The following SNAPC5 variants were observed in gnomAD, a reference collection of about 807,000 sequenced individuals.
SNAPC5 encodes the protein small nuclear RNA activating complex polypeptide 5.
In SNAPC5, 12 loss-of-function variants were observed where a neutral mutation model predicts 9.1. That is an observed-to-expected ratio of 1.32 (90% CI 0.85 to 2.15). The LOEUF (loss-of-function observed/expected upper bound fraction) is 2.15. Ranked by LOEUF, SNAPC5 falls within the 30% of genes most tolerant of loss-of-function variation. The pLI is 0.00. For synonymous variants in SNAPC5, 52 were observed against 47.3 expected (o/e 1.10, Z -0.41); for missense variants, 132 against 114.4 (o/e 1.15, Z -0.70).
intron 1 of SNAPC5, among the ~76,000 whole-genome samples, chr15:66,496,080 A>G (rs1382739315): frequency 1.3e-5 from 2 of 151,884 alleles, no homozygotes; most frequent in Admixed American, 1.3e-4. Flanking sequence ...TTCCCTAAGG[A>G]AAAATGCTTA....
chr15:66,490,274 C>A (rs377758416), downstream of SNAPC5: 3 of 668,382 alleles, frequency 4.5e-6, no homozygotes, highest in African/African-American at 5.4e-5. Flanking sequence ...CCATACTGCA[C>A]GAGTAGGCTC....
At position 66,494,248 on chromosome 15, in the gene SNAPC5, A is replaced by AT; in HGVS notation, c.*187dup. ...AGACACAGCATCTTTGATTTTCTGT[A>AT]TGTCATAACATTCTGAAGCTTGAGT... is the stretch of plus-strand genomic sequence containing the variant. On this transcript the variant is annotated 3_prime_UTR_variant, in exon 3 of 3. Transcript: ENST00000316634. 1.6e-6 allele frequency: 1 copy of AT among 620,478 alleles called. No individual in the cohort carries two copies. The highest frequency in any genetic ancestry group is 2.9e-6 in the Non-Finnish European group (1 of 344,316). The allele number at this position is 620,478 out of a possible 1,614,324, so 38.4% of individuals were successfully genotyped here.
chr15:66,497,672 T>C lies in SNAPC5; in HGVS notation c.60A>G (p.Ala20=). ...KEEETLLRLK[A]ALHDQLNRLK... ...GGCGGTTCAGCTGGTCGTGCAGGGC[T>C]GCCTTCAACCGCAGCAGCGTCTCCT... is the stretch of plus-strand genomic sequence containing the variant. Residue 20 remains alanine (A), a synonymous_variant, in exon 1 of 3, where the codon GCA becomes GCG. Transcript: ENST00000316634. 6.2e-7 allele frequency: 1 copy of C among 1,614,052 alleles called. No homozygotes were observed.
chr15:66,494,065 A>G lies in SNAPC5; in HGVS notation c.*371T>C. The G allele has an allele frequency of 5.0e-6, 1 of 200,676 alleles. No homozygotes were observed. Among genetic ancestry groups the G allele is most frequent in the South Asian group, 8.5e-5 (1 of 11,724 alleles). 12.4% of individuals were successfully genotyped at this position (200,676 alleles called of 1,614,324 possible). ...ACAGTCTTTAATTGGTTTTCTTCAA[A>G]GAGGCATTGTTGACTGGAAAGACTG... On this transcript the variant is annotated 3_prime_UTR_variant, in exon 3 of 3. Coordinates refer to ENST00000316634, the MANE Select transcript of SNAPC5 (RefSeq NM_001329615.2).
At chr15:66,493,440 A>C (rs548804654), downstream of SNAPC5, 1 of 152,190 alleles carries the variant, frequency 6.6e-6, no homozygotes, top group East Asian at 1.9e-4. Context: ...GGAAAACCTG[A>C]GGTTGGGAGT....
intron 2 of SNAPC5, chr15:66,495,052 C>T (rs1893380071): frequency 1.3e-5 from 6 of 450,020 alleles, no homozygotes; most frequent in Admixed American, 3.5e-5. Context: ...AAAATCTCCA[C>T]TCTCCCCCGG....
chr15:66,489,912 C>CCCA, downstream of SNAPC5: 1 of 755,142 alleles, frequency 1.3e-6, no homozygotes, highest in South Asian at 1.4e-5. Context: ...AAACACCAGT[C>CCCA]TCCTTTGCTC....
downstream of SNAPC5, chr15:66,491,882 ATTTCT>A (rs1289778137): frequency 1.8e-5 from 8 of 444,956 alleles, no homozygotes; most frequent in African/African-American, 1.4e-4. Context: ...ATGACAAAAC[ATTTCT>A]TATCTCACAG....
At chr15:66,497,238 A>G (rs1893466830) in intron 1 of SNAPC5, among the ~76,000 whole-genome samples, 1 of 152,168 alleles carries the variant, frequency 6.6e-6, no homozygotes, top group Non-Finnish European at 1.5e-5. Flanking sequence ...GAGCATTTCA[A>G]GCGCCAAAAC....
rs1446633851 is a variant in SNAPC5, at chr15:66,497,756, C to G, written c.-25G>C. 3 of 1,586,770 alleles carry G rather than the reference C, an allele frequency of 1.9e-6. No individual in the cohort carries two copies. Among genetic ancestry groups the G allele is most frequent in the African/African-American group, 1.3e-5 (1 of 74,338 alleles). On this transcript the variant is annotated 5_prime_UTR_variant, in exon 1 of 3. Transcript: ENST00000316634. ...TGTTGCCTGGTCACATAGCCAACCT[C>G]CGGGCTGCTGTCGGCCCGGCACTCG...
At chr15:66,490,852 A>C (rs1225829478), downstream of SNAPC5, 1 of 580,892 alleles carries the variant, frequency 1.7e-6, no homozygotes, top group African/African-American at 1.8e-5. Context: ...ATTTGTGTGT[A>C]TGCTGATGAT....
intron 2 of SNAPC5, 93 bp downstream of exon 2, chr15:66,495,237 A>G: frequency 1.2e-6 from 1 of 836,088 alleles, no homozygotes; most frequent in Non-Finnish European, 2.1e-6. Flanking sequence ...TGGGCTAGGT[A>G]ATGTGATTTA....
Position 66,494,352 on chromosome 15 carries a change from G to C in SNAPC5, c.*84C>G. The stretch of plus-strand genomic sequence containing the variant: ...CTTTCAAGCAGATCACAGGGCCCAG[G>C]GCAAGATGATTTCCTTGAGGAGAAG... On this transcript the variant is annotated 3_prime_UTR_variant, in exon 3 of 3. Coordinates refer to ENST00000316634, the MANE Select transcript of SNAPC5 (RefSeq NM_001329615.2). 6 of 930,900 alleles carry C rather than the reference G, an allele frequency of 6.4e-6. No homozygotes were observed. Among genetic ancestry groups the C allele is most frequent in the Non-Finnish European group, 1.0e-5 (6 of 584,710 alleles). The allele number at this position is 930,900 out of a possible 1,614,324, so 57.7% of individuals were successfully genotyped here. A position where few individuals can be genotyped will look rare whatever the true frequency, so the allele number is the denominator to read the frequency against.
Position 66,494,368 on chromosome 15 carries a change from TGAG to T in SNAPC5, c.*65_*67del, listed in dbSNP as rs79227224. On this transcript the variant is annotated 3_prime_UTR_variant, in exon 3 of 3. Coordinates refer to ENST00000316634, the MANE Select transcript of SNAPC5 (RefSeq NM_001329615.2). ...AGGGCCCAGGGCAAGATGATTTCCT[TGAG>T]GAGAAGTAGCCTGAGCCTTAGAAAT... The T allele has an allele frequency of 0.091, 94,861 of 1,044,502 alleles. 6,391 individuals are homozygous for T. Among genetic ancestry groups the T allele is most frequent in the East Asian group, 0.35 (14,765 of 42,056 alleles). The allele number at this position is 1,044,502 out of a possible 1,614,324, so 64.7% of individuals were successfully genotyped here. A position where few individuals can be genotyped will look rare whatever the true frequency, so the allele number is the denominator to read the frequency against.
downstream of SNAPC5, chr15:66,491,071 C>A (rs181853123): frequency 2.8e-6 from 1 of 353,386 alleles, no homozygotes; most frequent in Non-Finnish European, 5.3e-6. Context: ...GCATGTGAAG[C>A]ATGCTTTGCT....
downstream of SNAPC5, among the ~76,000 whole-genome samples, chr15:66,493,130 A>C (rs998048584): frequency 2.0e-5 from 3 of 152,198 alleles, no homozygotes; most frequent in African/African-American, 7.2e-5. Context: ...GATTAACAAA[A>C]AAAGTATTCT....
At chr15:66,492,772 A>C (rs1004372506), downstream of SNAPC5, among the ~76,000 whole-genome samples, 6 of 152,054 alleles carry the variant, frequency 3.9e-5, no homozygotes, top group Non-Finnish European at 8.8e-5. Flanking sequence ...CCAGATTCTT[A>C]CTGAGATACC....
At chr15:66,489,790 C>A (rs778361656), downstream of SNAPC5, 1 of 1,584,246 alleles carries the variant, frequency 6.3e-7, no homozygotes, top group South Asian at 1.1e-5. Context: ...CGGATTCTTA[C>A]AGTACCTGTT....
In SNAPC5 at chr15:66,494,565, A is replaced by AG. The variant is rs759880147; in HGVS notation, c.181-14dup. The stretch of plus-strand genomic sequence containing the variant: ...CATGCACCAACATCTGTATTGGCCA[A>AG]GGGCATCACAGATTAGCAGGAAAGA... On this transcript the variant is annotated splice_polypyrimidine_tract_variant and intron_variant, in intron 2 of 2. Coordinates refer to ENST00000316634, the MANE Select transcript of SNAPC5 (RefSeq NM_001329615.2). 1.1e-5 allele frequency: 18 copies of AG among 1,570,248 alleles called. No individual in the cohort carries two copies. The highest frequency in any genetic ancestry group is 1.7e-4 in the Middle Eastern group (1 of 6,008).
Sources: allele counts gnomAD v4.1 joint callset (sites outside exome capture counted in the v4.1 genomes callset), GRCh38; gene constraint gnomAD v4.1.1; transcripts MANE v1.5; gene names NCBI Gene and HGNC (gene_info 2026-07-23, HGNC 2026-07-21).